Variants in AAK1 observed in about 807,000 individuals in gnomAD.
AAK1 encodes the protein AP2 associated kinase 1.
In AAK1, 37 loss-of-function variants were observed where a neutral mutation model predicts 116.0. The ratio of observed to expected loss-of-function variants is 0.32; its 90% confidence interval spans 0.25 to 0.42. AAK1 has a LOEUF of 0.42. AAK1 is among the 10% of genes least tolerant of loss of function. AAK1 has a pLI of 1.00. For missense variants in AAK1, 919 were observed against 1,170.6 expected (o/e 0.79, Z 3.14); for synonymous variants, 458 against 439.9 (o/e 1.04, Z -0.51).
intron 2 of AAK1, among the ~76,000 whole-genome samples, chr2:69,564,006 A>T (rs1326547330): frequency 6.6e-6 from 1 of 152,122 alleles, no homozygotes; most frequent in Non-Finnish European, 1.5e-5. Context: ...GTCCTAGCTA[A>T]CATGGTGAAA....
At chr2:69,505,708 C>T in intron 15 of AAK1, 35 bp from the exon 16 acceptor site, 1 of 1,561,522 alleles carries the variant, frequency 6.4e-7, no homozygotes, top group Non-Finnish European at 8.8e-7. Context: ...TTCATTCTAG[C>T]AGAATCTTGC....
intron 3 of AAK1, 76 bp downstream of exon 3, chr2:69,556,784 C>T (rs1474930301): frequency 8.5e-7 from 1 of 1,175,596 alleles, no homozygotes; most frequent in Non-Finnish European, 1.2e-6. Flanking sequence ...GGAACAAACC[C>T]CGCTTGGCTT....
rs533022324 is a variant in AAK1 at position 69,507,358 on chromosome 2, G to A, written c.2164+63C>T. The A allele has an allele frequency of 1.9e-6, 3 of 1,551,914 alleles. No individual in the cohort carries two copies. In the East Asian group the frequency reaches 6.9e-5, roughly 36 times the overall value. ...AGAGTTACGATTCTTTCTCATTCCT[G>A]GTTATTTCTTAGCACAGAGAATCTA... On this transcript the variant is annotated intron_variant, in intron 15 of 21. Coordinates refer to ENST00000409085, the MANE Select transcript of AAK1 (RefSeq NM_014911.5).
intron 2 of AAK1, among the ~76,000 whole-genome samples, chr2:69,622,332 T>A (rs1674680232): frequency 7.6e-6 from 1 of 132,262 alleles, no homozygotes; most frequent in African/African-American, 2.8e-5. Flanking sequence ...CGCCCGGCGG[T>A]GGGCTCCTGC....
At chr2:69,557,724 T>C (rs1489251843) in intron 2 of AAK1, among the ~76,000 whole-genome samples, 3 of 152,184 alleles carry the variant, frequency 2.0e-5, no homozygotes, top group African/African-American at 4.8e-5. Context: ...ACCAAAAACA[T>C]TTTTAAAAGC....
intron 2 of AAK1, among the ~76,000 whole-genome samples, chr2:69,630,602 T>C (rs1011578435): frequency 6.6e-6 from 1 of 152,242 alleles, no homozygotes; most frequent in African/African-American, 2.4e-5. Context: ...ATCTACATTT[T>C]ATAGATGAGA....
At chr2:69,578,023 T>C (rs1271493378) in intron 2 of AAK1, among the ~76,000 whole-genome samples, 1 of 152,182 alleles carries the variant, frequency 6.6e-6, no homozygotes, top group Admixed American at 6.5e-5. Flanking sequence ...AGAGGAAGAA[T>C]TCATTGCATT....
chr2:69,486,510 C>T (rs573721007), intron 17 of AAK1, among the ~76,000 whole-genome samples: 1 of 152,122 alleles, frequency 6.6e-6, no homozygotes, highest in Admixed American at 6.5e-5. Flanking sequence ...CAATACCAGG[C>T]ACAAAGCTGG....
At chr2:69,478,783 C>G (rs1360333287) in intron 20 of AAK1, 168 bp downstream of exon 20, 1 of 580,668 alleles carries the variant, frequency 1.7e-6, no homozygotes, top group East Asian at 3.1e-5. Context: ...AATATTCTCA[C>G]TGAGAGGTAT....
At chr2:69,527,007 C>T (rs1223473918) in intron 9 of AAK1, among the ~76,000 whole-genome samples, 3 of 152,062 alleles carry the variant, frequency 2.0e-5, no homozygotes, top group Non-Finnish European at 1.5e-5. Context: ...TTTTTTTGTT[C>T]AGTACAATTG....
chr2:69,594,396 G>C (rs1269453102), intron 2 of AAK1, among the ~76,000 whole-genome samples: 1 of 152,130 alleles, frequency 6.6e-6, no homozygotes, highest in Non-Finnish European at 1.5e-5. Context: ...AAAATTTGAA[G>C]GACAGTCATG....
rs1206496026 is a variant in AAK1 at position 69,465,415 on chromosome 2, G to C, written c.*10454C>G. 1 of 1,278,436 alleles carries C rather than the reference G, an allele frequency of 7.8e-7. No individual in the cohort carries two copies. The highest frequency in any genetic ancestry group is 1.0e-6 in the Non-Finnish European group (1 of 981,104). 79.2% of individuals were successfully genotyped at this position (1,278,436 alleles called of 1,614,324 possible). On this transcript the variant is annotated 3_prime_UTR_variant, in exon 22 of 22. Transcript: ENST00000409085. ...ATAGAGACAAGAGGCTTGAGGCTCA[G>C]GTTTTGCTCCTAGGGTTTCTTGCCT...
rs1344858727 is a variant in AAK1, at chr2:69,463,345, C to T, written c.*12524G>A. ...TAGCAGAAATCTTCCCATTGAGATA[C>T]AGGCTTTATTTTTATTATTATATTT... On this transcript the variant is annotated 3_prime_UTR_variant, in exon 22 of 22. Coordinates refer to ENST00000409085, the MANE Select transcript of AAK1 (RefSeq NM_014911.5). 1.3e-5 allele frequency: 2 copies of T among 152,094 alleles called. No homozygotes were observed. The highest frequency in any genetic ancestry group is 4.8e-5 in the African/African-American group (2 of 41,408). 9.4% of individuals were successfully genotyped at this position (152,094 alleles called of 1,614,324 possible).
intron 10 of AAK1, 94 bp from the exon 11 acceptor site, chr2:69,521,082 C>CA: frequency 1.5e-6 from 2 of 1,360,108 alleles, no homozygotes; most frequent in Non-Finnish European, 2.1e-6. Flanking sequence ...CACATCGACC[C>CA]AAACCTTCCA....
In AAK1 at chr2:69,584,809, G is replaced by A. The variant is rs966658552; in HGVS notation, c.164-27831C>T. Reference sequence around the variant, plus strand: ...TCAACCCCAGGCACTCAGAGACCTCGATTACTCACCAGGAAATCTAAAGCC... The same window carrying A: ...TCAACCCCAGGCACTCAGAGACCTCAATTACTCACCAGGAAATCTAAAGCC... On this transcript the variant is annotated intron_variant, in intron 2 of 21. Coordinates refer to ENST00000409085, the MANE Select transcript of AAK1 (RefSeq NM_014911.5). Among the ~76,000 whole-genome samples the A allele has an allele frequency of 5.3e-5, 8 of 152,214 alleles. No homozygotes were observed. The East Asian group carries it at 1.5e-3, about 29-fold the overall frequency.
At chr2:69,640,049 A>ACC (rs1158229745) in intron 2 of AAK1, among the ~76,000 whole-genome samples, 2 of 115,018 alleles carry the variant, frequency 1.7e-5, no homozygotes, top group Non-Finnish European at 3.6e-5. Context: ...ACACACACAC[A>ACC]CACACTCTCT....
At chr2:69,476,772 T>C in intron 21 of AAK1, 108 bp downstream of exon 21, 1 of 701,404 alleles carries the variant, frequency 1.4e-6, no homozygotes, top group South Asian at 1.8e-5. Context: ...ACACCCAATG[T>C]CCTTCATTAA....
chr2:69,565,385 A>C (rs1271061319), intron 2 of AAK1, among the ~76,000 whole-genome samples: 3 of 152,224 alleles, frequency 2.0e-5, no homozygotes, highest in Non-Finnish European at 4.4e-5. Flanking sequence ...CTAGGACTGA[A>C]CCAGACAGCC....
Position 69,505,163 on chromosome 2 carries a change from G to C in AAK1, c.2269+406C>G, listed in dbSNP as rs576788650. 1.1e-3 allele frequency among the ~76,000 whole-genome samples: 169 copies of C among 152,190 alleles called. 1 individual carries two copies. Among genetic ancestry groups the C allele is most frequent in the African/African-American group, 3.9e-3 (164 of 41,540 alleles). On this transcript the variant is annotated intron_variant, in intron 16 of 21. Transcript: ENST00000409085. The stretch of plus-strand genomic sequence containing the variant: ...CACACACACACACACACACAGTTTA[G>C]AGGAGTGTTAGCTATAACAGAATAT...
Sources: gnomAD v4.1 joint callset for allele counts (sites outside exome capture counted in the v4.1 genomes callset) on GRCh38, gnomAD v4.1.1 for gene constraint, MANE v1.5 for transcripts, NCBI Gene and HGNC (gene_info 2026-07-23, HGNC 2026-07-21) for gene names.